Variants in SLC24A4 observed in about 807,000 individuals in gnomAD.
The protein encoded by SLC24A4 is sodium/potassium/calcium exchanger 4.
A neutral mutation model predicts 79.0 loss-of-function variants in SLC24A4; 53 were observed. That is an observed-to-expected ratio of 0.67 (90% CI 0.54 to 0.84). SLC24A4 has a LOEUF of 0.84. Among genes scored for constraint, SLC24A4 ranks in the 40% least tolerant of loss-of-function variants. SLC24A4 has a pLI of 0.00. For synonymous variants in SLC24A4, 323 were observed against 323.8 expected (o/e 1.00, Z 0.03); for missense variants, 731 against 822.0 (o/e 0.89, Z 1.35).
intron 2 of SLC24A4, among the ~76,000 whole-genome samples, chr14:92,415,257 GC>G (rs1339950684): frequency 6.6e-6 from 1 of 152,120 alleles, no homozygotes. Context: ...GCATTCCTCG[GC>G]CAGGCTCTCC....
chr14:92,483,276 C>T (rs535558170), intron 13 of SLC24A4, among the ~76,000 whole-genome samples: 1 of 152,174 alleles, frequency 6.6e-6, no homozygotes, highest in Non-Finnish European at 1.5e-5. Flanking sequence ...GCTCCTCCCC[C>T]CACTGATGTG....
At chr14:92,343,645 T>TTCCTTCCTTCCTTCCTTCCTTCC (rs1886329120) in intron 2 of SLC24A4, among the ~76,000 whole-genome samples, 1 of 55,226 alleles carries the variant, frequency 1.8e-5, no homozygotes, top group East Asian at 4.9e-4. Context: ...TCTTTCTCTC[T>TTCCTTCCTTCCTTCCTTCCTTCC]TTCCTTCTTT....
chr14:92,469,172 A>T (rs1405260999), intron 12 of SLC24A4, among the ~76,000 whole-genome samples: 1 of 152,098 alleles, frequency 6.6e-6, no homozygotes, highest in Non-Finnish European at 1.5e-5. Context: ...TGGTGAGGGG[A>T]TGGGAAAATT....
At chr14:92,477,475 G>T (rs1894831780) in intron 12 of SLC24A4, among the ~76,000 whole-genome samples, 1 of 152,012 alleles carries the variant, frequency 6.6e-6, no homozygotes. Context: ...TGTTGTTGTT[G>T]TTTTGTTTTT....
At chr14:92,400,579 C>T (rs1265281209) in intron 2 of SLC24A4, among the ~76,000 whole-genome samples, 2 of 152,074 alleles carry the variant, frequency 1.3e-5, no homozygotes, top group African/African-American at 2.4e-5. Context: ...TGCAGGACTA[C>T]GGTTCTTTTT....
Position 92,353,968 on chromosome 14 carries a change from G to T in SLC24A4, c.241+27990G>T, listed in dbSNP as rs1319963744. Among the ~76,000 whole-genome samples the T allele has an allele frequency of 6.6e-6, 1 of 152,028 alleles. No homozygotes were observed. The highest frequency in any genetic ancestry group is 2.4e-5 in the African/African-American group (1 of 41,384). ...GCTGACCCCGTGCTGGAGTCACCTC[G>T]CAGTCACTTGCTAAGAGAAATTAAG... On this transcript the variant is annotated intron_variant, in intron 2 of 16. Transcript: ENST00000532405. The surrounding 1 kb of genome is among the most constrained non-coding windows in gnomAD (Gnocchi z 4.1).
chr14:92,340,405 G>A (rs1886063458), intron 2 of SLC24A4, among the ~76,000 whole-genome samples: 1 of 152,252 alleles, frequency 6.6e-6, no homozygotes, highest in Non-Finnish European at 1.5e-5. Context: ...GACGCAAGAG[G>A]GTATTTGCTG....
At chr14:92,449,993 G>A (rs1047564899) in intron 10 of SLC24A4, among the ~76,000 whole-genome samples, 9 of 152,248 alleles carry the variant, frequency 5.9e-5, no homozygotes, top group Non-Finnish European at 5.9e-5. Context: ...GGCAGCTGCC[G>A]GGAAGGAGAG....
chr14:92,455,135 G>A (rs188132819), intron 11 of SLC24A4, among the ~76,000 whole-genome samples: 1,758 of 150,982 alleles, frequency 0.012, 28 homozygotes, highest in African/African-American at 0.039. Flanking sequence ...GAACTACCTG[G>A]AAGGCAGCAT....
chr14:92,341,588 C>T (rs986067078), intron 2 of SLC24A4, among the ~76,000 whole-genome samples: 2 of 152,226 alleles, frequency 1.3e-5, no homozygotes, highest in Non-Finnish European at 2.9e-5. Flanking sequence ...TGCAGCGACT[C>T]ACCTGGCTGC....
intron 2 of SLC24A4, among the ~76,000 whole-genome samples, chr14:92,340,974 G>T (rs931894066): frequency 6.6e-6 from 1 of 152,184 alleles, no homozygotes; most frequent in African/African-American, 2.4e-5. Flanking sequence ...AAGAGTCGGG[G>T]CCTTTCTCAG....
rs137863919 is a variant in SLC24A4, at chr14:92,441,668, G to T, written c.394-421G>T. Among the ~76,000 whole-genome samples the T allele has an allele frequency of 7.5e-3, 1,140 of 152,358 alleles. 17 individuals are homozygous for T. Among genetic ancestry groups the T allele is most frequent in the African/African-American group, 0.026 (1,076 of 41,584 alleles). ...AGGGATGCAAAGTTGGGAAAGACCA[G>T]TTGCTGCCCTCATCATCCGGTGAGG... On this transcript the variant is annotated intron_variant, in intron 4 of 16. Transcript: ENST00000532405. The surrounding 1 kb of genome is among the most constrained non-coding windows in gnomAD (Gnocchi z 4.6).
At chr14:92,448,504 T>C (rs1048503738) in intron 9 of SLC24A4, among the ~76,000 whole-genome samples, 2 of 152,188 alleles carry the variant, frequency 1.3e-5, no homozygotes, top group African/African-American at 4.8e-5. Context: ...ATAAAACATT[T>C]ATAATGTTTT....
chr14:92,324,679 C>CATT (rs1885022202), intron 1 of SLC24A4, among the ~76,000 whole-genome samples: 1 of 152,218 alleles, frequency 6.6e-6, no homozygotes, highest in Non-Finnish European at 1.5e-5. Context: ...CTTCAGGAGG[C>CATT]ATTCACTTCC....
intron 2 of SLC24A4, among the ~76,000 whole-genome samples, chr14:92,407,747 CCA>C (rs951707427): frequency 4.0e-5 from 6 of 151,706 alleles, no homozygotes; most frequent in African/African-American, 1.5e-4. Flanking sequence ...CCCCTGTGAT[CCA>C]GTCACCTCCC....
chr14:92,423,549 C>T (rs1891403632), intron 2 of SLC24A4, among the ~76,000 whole-genome samples: 1 of 152,180 alleles, frequency 6.6e-6, no homozygotes, highest in Non-Finnish European at 1.5e-5. Context: ...TCTGAGAACA[C>T]TTAACCTAGT....
chr14:92,334,220 T>C (rs1453507609), intron 2 of SLC24A4, among the ~76,000 whole-genome samples: 2 of 152,208 alleles, frequency 1.3e-5, no homozygotes, highest in Non-Finnish European at 2.9e-5. Flanking sequence ...AAATCACAGT[T>C]CTATTCCTTT....
At chr14:92,365,745 G>A (rs1272569510) in intron 2 of SLC24A4, among the ~76,000 whole-genome samples, 1 of 152,166 alleles carries the variant, frequency 6.6e-6, no homozygotes, top group South Asian at 2.1e-4. Context: ...TGTGTGTGTC[G>A]GCTGCTGTTC....
At chr14:92,430,152 A>G (rs1350309135) in intron 2 of SLC24A4, among the ~76,000 whole-genome samples, 3 of 152,212 alleles carry the variant, frequency 2.0e-5, no homozygotes, top group African/African-American at 7.2e-5. Context: ...CCTTCTGAGT[A>G]ACTTTGCCTT....
Sources: allele counts gnomAD v4.1 joint callset (sites outside exome capture counted in the v4.1 genomes callset), GRCh38; gene constraint gnomAD v4.1.1; non-coding constraint Gnocchi (gnomAD v3.1); transcripts MANE v1.5; gene names NCBI Gene and HGNC (gene_info 2026-07-23, HGNC 2026-07-21).